The following MKX variants were observed in gnomAD, a reference collection of about 807,000 sequenced individuals.
The protein encoded by MKX is homeobox protein Mohawk.
Under a neutral mutation model 36.0 loss-of-function variants are expected in MKX, and 13 were observed. The ratio of observed to expected loss-of-function variants is 0.36; its 90% CI spans 0.24 to 0.57. The LOEUF (loss-of-function observed/expected upper bound fraction) is 0.57. Among genes scored for constraint, MKX ranks in the 20% least tolerant of loss-of-function variants. The pLI is 0.79. For missense variants in MKX, 458 were observed against 456.4 expected (o/e 1.00, Z -0.03); for synonymous variants, 176 against 178.3 (o/e 0.99, Z 0.10).
chr10:27,682,983 C>A (rs548437046), intron 5 of MKX, among the ~76,000 whole-genome samples: 1 of 145,788 alleles, frequency 6.9e-6, no homozygotes, highest in South Asian at 2.2e-4. Flanking sequence ...GACTCGGTCT[C>A]GAAAAAAAAA....
chr10:27,739,895 T>C (rs777704182), intron 3 of MKX, among the ~76,000 whole-genome samples: 2 of 152,210 alleles, frequency 1.3e-5, no homozygotes, highest in Non-Finnish European at 2.9e-5. Context: ...TTATTTATTT[T>C]CATAAGTCAG....
intron 5 of MKX, among the ~76,000 whole-genome samples, chr10:27,701,689 A>G (rs1300065299): frequency 3.4e-5 from 5 of 145,246 alleles, no homozygotes; most frequent in Non-Finnish European, 7.5e-5. Flanking sequence ...GTATAAATAT[A>G]TTAATTTATA....
chr10:27,678,745 C>T (rs1358337626), intron 5 of MKX, among the ~76,000 whole-genome samples: 1 of 152,186 alleles, frequency 6.6e-6, no homozygotes, highest in African/African-American at 2.4e-5. Flanking sequence ...ACTTGTATGT[C>T]TTGCAGCCCC....
chr10:27,705,063 G>A (rs888365128), intron 5 of MKX, among the ~76,000 whole-genome samples: 5 of 152,026 alleles, frequency 3.3e-5, no homozygotes, highest in African/African-American at 9.7e-5. Context: ...ATTATGAATG[G>A]CCCTTAAACA....
intron 5 of MKX, among the ~76,000 whole-genome samples, chr10:27,726,727 T>TTTTA (rs9299862): frequency 6.6e-6 from 1 of 151,034 alleles, no homozygotes; most frequent in African/African-American, 2.4e-5. Flanking sequence ...TTTTTTTTTT[T>TTTTA]ACTTTACATT....
chr10:27,691,517 C>T lies in MKX; in HGVS notation c.839-15963G>A, dbSNP rs76923323. On this transcript the variant is annotated intron_variant, in intron 5 of 6. Coordinates refer to ENST00000419761, the MANE Select transcript of MKX (RefSeq NM_173576.3). Reference sequence around the variant, plus strand: ...CAGTAAGGGCCAACTAGCCATCTTACGCCTGTATCGAATGAACCAAGATTT... The same window carrying T: ...CAGTAAGGGCCAACTAGCCATCTTATGCCTGTATCGAATGAACCAAGATTT... Among the ~76,000 whole-genome samples the T allele has an allele frequency of 4.1e-3, 626 of 152,220 alleles. 16 individuals are homozygous for T. The East Asian group carries it at 0.064, about 16-fold the overall frequency.
At position 27,691,897 on chromosome 10, in the gene MKX, T is replaced by A. The variant is rs148108681; in HGVS notation, c.839-16343A>T. Among the ~76,000 whole-genome samples the A allele has an allele frequency of 3.1e-3, 468 of 152,370 alleles. 3 individuals carry two copies. The highest frequency in any genetic ancestry group is 0.011 in the African/African-American group (454 of 41,588). On this transcript the variant is annotated intron_variant, in intron 5 of 6. Transcript: ENST00000419761. ...AAGGTTATAACTTAATTCTTTTTTA[T>A]GACTGTGTAGTGTTCCATGGTGTAT...
At chr10:27,743,133 C>T (rs1564369606) in intron 2 of MKX, 95 bp downstream of exon 2, 2 of 1,248,900 alleles carry the variant, frequency 1.6e-6, no homozygotes, top group South Asian at 2.0e-5. Flanking sequence ...CCTTTCCCGT[C>T]CACCCGCCCG....
intron 3 of MKX, among the ~76,000 whole-genome samples, chr10:27,736,269 G>A (rs1180651820): frequency 1.3e-5 from 2 of 152,072 alleles, no homozygotes; most frequent in African/African-American, 4.8e-5. Flanking sequence ...GGGTGAAGAG[G>A]GGGAAAATAA....
At chr10:27,696,120 CAAACGG>C (rs1836549494) in intron 5 of MKX, among the ~76,000 whole-genome samples, 1 of 152,140 alleles carries the variant, frequency 6.6e-6, no homozygotes. Context: ...CTCTATTCCT[CAAACGG>C]TAAGTTACAC....
chr10:27,733,080 A>AT lies in MKX; in HGVS notation c.838+1375dup, dbSNP rs1426664782. On this transcript the variant is annotated intron_variant, in intron 5 of 6. Coordinates refer to ENST00000419761, the MANE Select transcript of MKX (RefSeq NM_173576.3). ...TTCATTATTGGCCAAATTTTCTTTT[A>AT]TTTTTTCTTCTTCCTAGACCCAATT... Among the ~76,000 whole-genome samples the AT allele has an allele frequency of 9.2e-5, 14 of 151,964 alleles. No individual in the cohort carries two copies. The South Asian group carries it at 2.3e-3, about 25-fold the overall frequency.
chr10:27,701,081 T>A (rs533228119), intron 5 of MKX, among the ~76,000 whole-genome samples: 1 of 152,318 alleles, frequency 6.6e-6, no homozygotes, highest in South Asian at 2.1e-4. Context: ...CAGTTCAGGC[T>A]ATGTCTACAA....
At chr10:27,731,352 G>T (rs1834624520) in intron 5 of MKX, among the ~76,000 whole-genome samples, 1 of 152,040 alleles carries the variant, frequency 6.6e-6, no homozygotes, top group African/African-American at 2.4e-5. Context: ...TCAGAAGAAG[G>T]TTATATGCCA....
At chr10:27,711,499 T>TTCCTTCC (rs1554772225) in intron 5 of MKX, among the ~76,000 whole-genome samples, 2,782 of 92,620 alleles carry the variant, frequency 0.03, 76 homozygotes, top group East Asian at 0.048. Context: ...CTCTCTCTTC[T>TTCCTTCC]TTCCTTCCTT....
chr10:27,735,855 C>A (rs970911745), intron 3 of MKX, among the ~76,000 whole-genome samples: 1 of 151,900 alleles, frequency 6.6e-6, no homozygotes, highest in Non-Finnish European at 1.5e-5. Flanking sequence ...GACACAGGAA[C>A]AAATAGAAGT....
intron 3 of MKX, among the ~76,000 whole-genome samples, chr10:27,738,305 T>C (rs1834822282): frequency 6.6e-6 from 1 of 152,144 alleles, no homozygotes; most frequent in Non-Finnish European, 1.5e-5. Context: ...CAAATTTGCA[T>C]ATACTTGTTT....
intron 5 of MKX, among the ~76,000 whole-genome samples, chr10:27,727,518 C>T (rs1177506910): frequency 6.6e-6 from 1 of 152,212 alleles, no homozygotes; most frequent in Non-Finnish European, 1.5e-5. Context: ...CAGAAAGAAT[C>T]CATGTCAATG....
chr10:27,682,241 G>A (rs1446544039), intron 5 of MKX, among the ~76,000 whole-genome samples: 1 of 152,154 alleles, frequency 6.6e-6, no homozygotes. Context: ...TCATACAGCT[G>A]TCCAATGTGT....
At chr10:27,710,422 T>C (rs1375005247) in intron 5 of MKX, among the ~76,000 whole-genome samples, 1 of 152,178 alleles carries the variant, frequency 6.6e-6, no homozygotes, top group Non-Finnish European at 1.5e-5. Context: ...TCATCTTTAG[T>C]TTCTGCATTA....
Sources: gnomAD v4.1 joint callset for allele counts (sites outside exome capture counted in the v4.1 genomes callset) on GRCh38, gnomAD v4.1.1 for gene constraint, MANE v1.5 for transcripts, NCBI Gene and HGNC (gene_info 2026-07-23, HGNC 2026-07-21) for gene names.